MIER2: variants seen among roughly 807,000 people sequenced by gnomAD.
MIER2 encodes MIER family member 2.
MIER2 carries 30 observed loss-of-function variants against 67.6 expected under a neutral mutation model. The observed-to-expected ratio is 0.44, with a 90% CI of 0.33 to 0.60. The LOEUF (loss-of-function observed/expected upper bound fraction) is 0.60. MIER2 is among the 20% of genes least tolerant of loss of function. The pLI, the probability that MIER2 is intolerant of heterozygous loss-of-function variation, is 0.02. For missense variants in MIER2, 702 were observed against 745.1 expected (o/e 0.94, Z 0.67); for synonymous variants, 372 against 312.6 (o/e 1.19, Z -2.00).
At chr19:334,161 T>G in intron 3 of MIER2, 1 of 495,392 alleles carries the variant, frequency 2.0e-6, no homozygotes, top group Non-Finnish European at 3.5e-6. Flanking sequence ...ACAAAGCAGG[T>G]TCTGAGACCA....
chr19:344,062 T>C, intron 1 of MIER2: 1 of 985,398 alleles, frequency 1.0e-6, no homozygotes, highest in Non-Finnish European at 1.2e-6. Context: ...GTCCCAAACA[T>C]TTCAGATAAA....
intron 3 of MIER2, among the ~76,000 whole-genome samples, chr19:333,885 G>C (rs1363110315): frequency 6.6e-6 from 1 of 152,048 alleles, no homozygotes; most frequent in African/African-American, 2.4e-5. Context: ...GTAGAGACAG[G>C]GTTTCACCGT....
intron 10 of MIER2, among the ~76,000 whole-genome samples, chr19:309,149 CAAGCCCCCTCA>C (rs1442713219): frequency 1.3e-5 from 2 of 152,154 alleles, no homozygotes; most frequent in Non-Finnish European, 2.9e-5. Context: ...CCTCCTGTTT[CAAGCCCCCTCA>C]GAGCCCTCCA....
chr19:312,351 G>A (rs760718278), intron 8 of MIER2, 79 bp from the exon 9 acceptor site: 239 of 1,436,416 alleles, frequency 1.7e-4, no homozygotes, highest in Admixed American at 4.0e-4. Context: ...CATCCAGCGA[G>A]TGGCATCAGG....
chr19:323,061 C>A (rs772880259), intron 7 of MIER2, among the ~76,000 whole-genome samples: 1 of 151,618 alleles, frequency 6.6e-6, no homozygotes, highest in Non-Finnish European at 1.5e-5. Context: ...AAATGACAGA[C>A]GTCATCACAA....
intron 10 of MIER2, among the ~76,000 whole-genome samples, chr19:310,037 G>A (rs1360929448): frequency 2.6e-5 from 3 of 115,184 alleles, no homozygotes; most frequent in African/African-American, 1.1e-4. Context: ...GACGAGAAGG[G>A]ACACACACAC....
chr19:330,390 A>T (rs557617391), intron 3 of MIER2: 2 of 152,058 alleles, frequency 1.3e-5, no homozygotes, highest in Non-Finnish European at 1.5e-5. Flanking sequence ...ACTAAAAAAA[A>T]TACAAAAAAT....
chr19:325,835 TA>T, intron 6 of MIER2, 131 bp from the exon 7 acceptor site: 1 of 933,926 alleles, frequency 1.1e-6, no homozygotes, highest in Non-Finnish European at 1.7e-6. Context: ...CTGTGCCGTC[TA>T]CCTGCTGATG....
At chr19:340,203 C>G (rs1972439445) in intron 1 of MIER2, among the ~76,000 whole-genome samples, 2 of 152,118 alleles carry the variant, frequency 1.3e-5, no homozygotes, top group African/African-American at 4.8e-5. Flanking sequence ...CAAAGTGGAG[C>G]TCAGGCCAGC....
chr19:341,760 C>T (rs1972514229), intron 1 of MIER2, among the ~76,000 whole-genome samples: 2 of 151,948 alleles, frequency 1.3e-5, no homozygotes, highest in South Asian at 4.1e-4. Flanking sequence ...TTCCAGGCAA[C>T]AAAAAAAGCA....
In MIER2 at chr19:327,856, T is replaced by G; in HGVS notation, c.369+8A>C. 6.2e-7 allele frequency: 1 copy of G among 1,610,792 alleles called. No individual in the cohort carries two copies. The highest frequency in any genetic ancestry group is 8.5e-7 in the Non-Finnish European group (1 of 1,178,474). ...TGTGAGCCAGTTCCAGGAAGGGCCC[T>G]CACTTACTTTGTCCAGGGTCATGTC... On this transcript the variant is annotated splice_region_variant and intron_variant, in intron 4 of 13. Coordinates refer to ENST00000264819, the MANE Select transcript of MIER2 (RefSeq NM_017550.3).
chr19:311,989 CA>C, intron 9 of MIER2, 50 bp from the exon 10 acceptor site: 8 of 1,397,854 alleles, frequency 5.7e-6, no homozygotes, highest in South Asian at 4.5e-5. Flanking sequence ...GGCGGGGCCG[CA>C]GCGGAAGGAA....
In MIER2 at chr19:308,231, T is replaced by C. The variant is rs535463800; in HGVS notation, c.1198+346A>G. On this transcript the variant is annotated intron_variant, in intron 12 of 13. Transcript: ENST00000264819. The surrounding 1 kb of genome is among the most constrained non-coding windows in gnomAD (Gnocchi z 9.1). Reference sequence around the variant, plus strand: ...CCGGACACCCTGTCCTTCCTGAGTGTCCTGGTGACGGGCTAAGTCCCCACC... The same window carrying C: ...CCGGACACCCTGTCCTTCCTGAGTGCCCTGGTGACGGGCTAAGTCCCCACC... 1.3e-5 allele frequency among the ~76,000 whole-genome samples: 2 copies of C among 152,252 alleles called. No individual in the cohort carries two copies. Among genetic ancestry groups the C allele is most frequent in the East Asian group, 3.9e-4 (2 of 5,168 alleles).
intron 7 of MIER2, among the ~76,000 whole-genome samples, chr19:313,875 T>C (rs1310967488): frequency 6.6e-6 from 1 of 152,042 alleles, no homozygotes; most frequent in East Asian, 1.9e-4. Flanking sequence ...CACAGGCCTG[T>C]ATCCCAACGA....
rs753571661 is a variant in MIER2 at position 306,678 on chromosome 19, C to T, written c.*12G>A. On this transcript the variant is annotated 3_prime_UTR_variant, in exon 14 of 14. Coordinates refer to ENST00000264819, the MANE Select transcript of MIER2 (RefSeq NM_017550.3). ...TCCAGTCTGGGCCGCATACGCCGCC[C>T]GCGGCCAGGAGTCAGCAGGTCATCA... is the stretch of plus-strand genomic sequence containing the variant. 18 of 1,555,650 alleles carry T rather than the reference C, an allele frequency of 1.2e-5. No individual in the cohort carries two copies. Among genetic ancestry groups the T allele is most frequent in the Non-Finnish European group, 1.4e-5 (16 of 1,149,496 alleles).
intron 7 of MIER2, among the ~76,000 whole-genome samples, chr19:314,413 A>G (rs184567094): frequency 5.4e-4 from 82 of 152,376 alleles, no homozygotes; most frequent in African/African-American, 1.8e-3. Flanking sequence ...GGCAAGGCTC[A>G]AGTGCCAGCA....
In MIER2 at chr19:308,693, G is replaced by A. The variant is rs371532493; in HGVS notation, c.1110-28C>T. 9.4e-5 allele frequency: 151 copies of A among 1,599,536 alleles called. No homozygotes were observed. Among genetic ancestry groups the A allele is most frequent in the Non-Finnish European group, 1.1e-4 (127 of 1,174,378 alleles). On this transcript the variant is annotated intron_variant, in intron 11 of 13. Coordinates refer to ENST00000264819, the MANE Select transcript of MIER2 (RefSeq NM_017550.3). The surrounding 1 kb of genome is among the most constrained non-coding windows in gnomAD (Gnocchi z 9.1). Reference sequence around the variant, plus strand: ...GTGGGGAGAGGGCGCCATGAGGGGCGGCAGACAGGACAGACGCCCCCACCC... The same window carrying A: ...GTGGGGAGAGGGCGCCATGAGGGGCAGCAGACAGGACAGACGCCCCCACCC...
At chr19:316,251 A>C (rs1260341627) in intron 7 of MIER2, among the ~76,000 whole-genome samples, 1 of 152,154 alleles carries the variant, frequency 6.6e-6, no homozygotes, top group Non-Finnish European at 1.5e-5. Context: ...AATACAAAGA[A>C]TGTTCACTGT....
chr19:307,009 T>A, intron 13 of MIER2, 110 bp downstream of exon 13: 1 of 1,291,170 alleles, frequency 7.7e-7, no homozygotes, highest in Non-Finnish European at 1.0e-6. Flanking sequence ...GGAGCCACAC[T>A]GTCCTCGGGT....
Sources: gnomAD v4.1 joint callset for allele counts (sites outside exome capture counted in the v4.1 genomes callset) on GRCh38, gnomAD v4.1.1 for gene constraint, Gnocchi (gnomAD v3.1) non-coding constraint, MANE v1.5 for transcripts, NCBI Gene and HGNC (gene_info 2026-07-23, HGNC 2026-07-21) for gene names.